ASIC2: variants seen among roughly 807,000 people sequenced by gnomAD.
The protein encoded by ASIC2 is acid sensing ion channel subunit 2.
ASIC2 carries 25 observed loss-of-function variants against 57.3 expected under a neutral mutation model. The observed-to-expected ratio is 0.44, with a 90% confidence interval of 0.32 to 0.61. The LOEUF is 0.61. Ranked by LOEUF, ASIC2 falls within the 20% of genes least tolerant of loss-of-function variation. ASIC2 has a pLI of 0.06. For synonymous variants in ASIC2, 319 were observed against 307.5 expected, an observed-to-expected ratio of 1.04 and a Z score of -0.39; for missense variants, 641 against 738.1, an observed-to-expected ratio of 0.87 and a Z score of 1.52.
At chr17:33,739,873 GA>G (rs1413826883) in intron 1 of ASIC2, among the ~76,000 whole-genome samples, 1 of 84,170 alleles carries the variant, frequency 1.2e-5, no homozygotes, top group Admixed American at 1.2e-4. Flanking sequence ...AAGAAGGAAG[GA>G]AAAAAGAAAA....
intron 1 of ASIC2, among the ~76,000 whole-genome samples, chr17:33,718,501 C>T (rs1277111534): frequency 1.3e-5 from 2 of 151,970 alleles, no homozygotes; most frequent in East Asian, 3.9e-4. Flanking sequence ...TGTAGTAGGT[C>T]CTGCCTCCCA....
At position 33,233,553 on chromosome 17, in the gene ASIC2, CACACAT is replaced by C. The variant is rs1301018854; in HGVS notation, c.708+57849_708+57854del. On this transcript the variant is annotated intron_variant, in intron 1 of 9. Transcript: ENST00000225823. ...ACACACACACACACACACACACACA[CACACAT>C]GGCATAAGCAGCCATTCAGGTATTC... Among the ~76,000 whole-genome samples, 202 of 115,074 alleles carry C rather than the reference CACACAT, an allele frequency of 1.8e-3. 1 individual carries two copies. The highest frequency in any genetic ancestry group is 5.2e-3 in the Admixed American group (63 of 12,088). The allele number at this position is 115,074 out of a possible 152,430, so 75.5% of individuals were successfully genotyped here. A position where few individuals can be genotyped will look rare whatever the true frequency, so the allele number is the denominator to read the frequency against.
chr17:33,662,624 A>AAAAT (rs71144895), intron 1 of ASIC2, among the ~76,000 whole-genome samples: 4,442 of 85,732 alleles, frequency 0.052, 80 homozygotes, highest in Middle Eastern at 0.062. Context: ...CTCTGTCTCA[A>AAAAT]AAATAAATAA....
At chr17:33,943,015 C>G (rs1332863150) in intron 1 of ASIC2, among the ~76,000 whole-genome samples, 1 of 152,146 alleles carries the variant, frequency 6.6e-6, no homozygotes, top group African/African-American at 2.4e-5. Flanking sequence ...ATCTTCCAAA[C>G]AAAATCTCAT....
rs779597047 is a variant in ASIC2 at position 33,443,406 on chromosome 17, A to ATTTTTTTTTTTTTT, written c.556-331353_556-331340dup. Among the ~76,000 whole-genome samples, 37 of 75,258 alleles carry ATTTTTTTTTTTTTT rather than the reference A, an allele frequency of 4.9e-4. 4 individuals are homozygous for ATTTTTTTTTTTTTT. Among genetic ancestry groups the ATTTTTTTTTTTTTT allele is most frequent in the Admixed American group, 1.3e-3 (7 of 5,552 alleles). 49.4% of individuals were successfully genotyped at this position (75,258 alleles called of 152,430 possible). On this transcript the variant is annotated intron_variant, in intron 1 of 9. Transcript: ENST00000359872. ...TTTTTTATGTATGGTGGAGGGTAAG[A>ATTTTTTTTTTTTTT]TTTTTTTTTTTTTTTTTTTTTTTTT...
At chr17:33,078,716 C>T (rs1176034338) in intron 3 of ASIC2, among the ~76,000 whole-genome samples, 2 of 152,174 alleles carry the variant, frequency 1.3e-5, no homozygotes, top group Non-Finnish European at 2.9e-5. Context: ...GTATGAGCCA[C>T]CACACCCAGC....
intron 1 of ASIC2, among the ~76,000 whole-genome samples, chr17:34,130,822 T>A (rs1248482196): frequency 6.6e-6 from 1 of 152,166 alleles, no homozygotes; most frequent in African/African-American, 2.4e-5. Flanking sequence ...AATGAAAAGA[T>A]GGGTTTCAGG....
rs35535214 is a variant in ASIC2 at position 34,124,332 on chromosome 17, A to G, written c.555+31646T>C. ...TAAAGGCTGCTTCACGCACCGAAGCACCACTGACCTACACAATAGCATTTT... is the reference window on the plus strand; with the variant it reads ...TAAAGGCTGCTTCACGCACCGAAGCGCCACTGACCTACACAATAGCATTTT... On this transcript the variant is annotated intron_variant, in intron 1 of 9. Coordinates refer to the ASIC2 transcript ENST00000359872. 7.6e-3 allele frequency among the ~76,000 whole-genome samples: 1,147 copies of G among 151,876 alleles called. 17 individuals are homozygous for G. Among genetic ancestry groups the G allele is most frequent in the African/African-American group, 0.027 (1,099 of 41,368 alleles).
chr17:33,586,732 C>T (rs1904648026), intron 1 of ASIC2, among the ~76,000 whole-genome samples: 1 of 152,230 alleles, frequency 6.6e-6, no homozygotes, highest in Non-Finnish European at 1.5e-5. Context: ...GACCTGCCTT[C>T]TCTCCCAATC....
intron 1 of ASIC2, among the ~76,000 whole-genome samples, chr17:33,421,874 C>G (rs1489480565): frequency 6.6e-6 from 1 of 152,206 alleles, no homozygotes; most frequent in Non-Finnish European, 1.5e-5. Context: ...AGTCTCCTCT[C>G]CTGGGTCCCT....
At chr17:33,466,837 A>C (rs1912882038) in intron 1 of ASIC2, among the ~76,000 whole-genome samples, 1 of 152,210 alleles carries the variant, frequency 6.6e-6, no homozygotes, top group African/African-American at 2.4e-5. Context: ...TTATACAAAA[A>C]TTAATTCATG....
chr17:33,158,303 G>C (rs73982438), intron 1 of ASIC2, among the ~76,000 whole-genome samples: 4 of 139,048 alleles, frequency 2.9e-5, no homozygotes, highest in African/African-American at 1.1e-4. Context: ...GAATGAATGA[G>C]TGAATCCTGC....
upstream of ASIC2, among the ~76,000 whole-genome samples, chr17:33,294,283 A>G (rs550702786): frequency 8.5e-5 from 13 of 152,268 alleles, no homozygotes; most frequent in Non-Finnish European, 1.8e-4. Flanking sequence ...CAAGGGTGGG[A>G]GGATGCTCCA....
chr17:33,031,710 C>T (rs987428111), intron 3 of ASIC2, among the ~76,000 whole-genome samples: 1 of 152,136 alleles, frequency 6.6e-6, no homozygotes, highest in Non-Finnish European at 1.5e-5. Flanking sequence ...AAACATCTAA[C>T]TATGACTATG....
chr17:33,827,506 C>CT (rs56359208), intron 1 of ASIC2, among the ~76,000 whole-genome samples: 109,724 of 138,192 alleles, frequency 0.79, 43,746 homozygotes, highest in African/African-American at 0.83. Flanking sequence ...TATTTTTTGT[C>CT]TTTTTTTTTT....
intron 1 of ASIC2, among the ~76,000 whole-genome samples, chr17:33,399,911 C>T (rs2141957931): frequency 6.6e-6 from 1 of 152,288 alleles, no homozygotes; most frequent in South Asian, 2.1e-4. Flanking sequence ...GAAAAGTGAA[C>T]TCTGCAGACA....
intron 1 of ASIC2, among the ~76,000 whole-genome samples, chr17:34,119,606 T>TACAC (rs1217350173): frequency 7.8e-6 from 1 of 127,436 alleles, no homozygotes; most frequent in African/African-American, 3.3e-5. Flanking sequence ...TCCCTTTCTC[T>TACAC]ACACAGACAC....
chr17:33,915,330 C>A (rs1172795782), intron 1 of ASIC2, among the ~76,000 whole-genome samples: 3 of 152,204 alleles, frequency 2.0e-5, no homozygotes, highest in Non-Finnish European at 4.4e-5. Flanking sequence ...ATCTCAGAAG[C>A]ATGAATGGGC....
At chr17:33,751,705 A>T (rs1248074847) in intron 1 of ASIC2, among the ~76,000 whole-genome samples, 1 of 151,998 alleles carries the variant, frequency 6.6e-6, no homozygotes, top group Non-Finnish European at 1.5e-5. Context: ...TCAGATCCCG[A>T]TTTCATTTAA....
Sources: gnomAD v4.1 joint callset for allele counts (sites outside exome capture counted in the v4.1 genomes callset) on GRCh38, gnomAD v4.1.1 for gene constraint, MANE v1.5 for transcripts, NCBI Gene and HGNC (gene_info 2026-07-23, HGNC 2026-07-21) for gene names.